Variants in DNAH5 observed in about 807,000 individuals in gnomAD.
The protein encoded by DNAH5 is axonemal beta dynein heavy chain 5.
A neutral mutation model predicts 518.2 loss-of-function variants in DNAH5; 372 were observed. The ratio of observed to expected loss-of-function variants is 0.72; its 90% CI spans 0.66 to 0.78. DNAH5 has a LOEUF of 0.78. Among genes scored for constraint, DNAH5 ranks in the 30% least tolerant of loss-of-function variants. The pLI is 0.00. For missense variants in DNAH5, 5,523 were observed against 5,687.0 expected (o/e 0.97, Z 0.93); for synonymous variants, 2,039 against 2,025.9 (o/e 1.01, Z -0.17).
Position 13,770,737 on chromosome 5 carries a change from C to T in DNAH5, c.9605+12G>A. The T allele has an allele frequency of 6.2e-7, 1 of 1,609,896 alleles. No homozygotes were observed. Among genetic ancestry groups the T allele is most frequent in the South Asian group, 1.1e-5 (1 of 90,946 alleles). On this transcript the variant is annotated intron_variant, in intron 56 of 78. Coordinates refer to ENST00000265104, the MANE Select transcript of DNAH5 (RefSeq NM_001369.3). ...GCTTTAATATAGCTTTGTATAAGAA[C>T]ATCACACTTACCTGTTGGCCAGGGT...
At chr5:13,775,494 T>C (rs1007659943) in intron 55 of DNAH5, among the ~76,000 whole-genome samples, 2 of 151,934 alleles carry the variant, frequency 1.3e-5, no homozygotes, top group African/African-American at 4.8e-5. Context: ...GATATTTAGA[T>C]AGATAATAGA....
intron 71 of DNAH5, 103 bp from the exon 72 acceptor site, chr5:13,719,204 C>T: frequency 1.1e-6 from 1 of 931,846 alleles, no homozygotes; most frequent in East Asian, 2.6e-5. Context: ...AATAGGAAAA[C>T]ACTAACCATT....
chr5:13,910,313 A>G (rs1775830698), intron 12 of DNAH5, among the ~76,000 whole-genome samples: 1 of 152,152 alleles, frequency 6.6e-6, no homozygotes, highest in South Asian at 2.1e-4. Context: ...TCCTCTGCAA[A>G]ATGAGAGTAA....
At chr5:13,928,467 T>C (rs1295600690) in intron 2 of DNAH5, among the ~76,000 whole-genome samples, 1 of 152,236 alleles carries the variant, frequency 6.6e-6, no homozygotes, top group Non-Finnish European at 1.5e-5. Flanking sequence ...CCCTAAAGTG[T>C]TGAGCTGTTG....
In DNAH5 at chr5:13,707,714, T is replaced by C. The variant is rs566985550; in HGVS notation, c.13338+409A>G. Among the ~76,000 whole-genome samples the C allele has an allele frequency of 1.3e-5, 2 of 151,968 alleles. No individual in the cohort carries two copies. Among genetic ancestry groups the C allele is most frequent in the African/African-American group, 2.4e-5 (1 of 41,372 alleles). ...TTTTTTTTCCTTTTGGTGTGACTTT[T>C]GATGTTAGGGTGAGGCATGTTTCCT... On this transcript the variant is annotated intron_variant, in intron 76 of 78. Coordinates refer to ENST00000265104, the MANE Select transcript of DNAH5 (RefSeq NM_001369.3). The surrounding 1 kb of genome is among the most constrained non-coding windows in gnomAD (Gnocchi z 4.0).
At chr5:13,887,591 G>A (rs528344227) in intron 17 of DNAH5, among the ~76,000 whole-genome samples, 2 of 152,062 alleles carry the variant, frequency 1.3e-5, no homozygotes, top group African/African-American at 4.8e-5. Context: ...TCAGCATGGG[G>A]CTCCACCATT....
Position 13,900,004 on chromosome 5 carries a change from C to T in DNAH5, c.2259+202G>A, listed in dbSNP as rs1281374322. 9 of 582,778 alleles carry T rather than the reference C, an allele frequency of 1.5e-5. No homozygotes were observed. The South Asian group carries it at 2.0e-4, about 13-fold the overall frequency. 36.1% of individuals were successfully genotyped at this position (582,778 alleles called of 1,614,324 possible). Reference sequence around the variant, plus strand: ...TTTCCTGGTACACTCAAAATAAAACCCAAGCTTCTCATCTTGGCCTGCAAG... The same window carrying T: ...TTTCCTGGTACACTCAAAATAAAACTCAAGCTTCTCATCTTGGCCTGCAAG... On this transcript the variant is annotated intron_variant, in intron 15 of 78. Coordinates refer to ENST00000265104, the MANE Select transcript of DNAH5 (RefSeq NM_001369.3).
At position 13,730,503 on chromosome 5, in the gene DNAH5, C is replaced by T. The variant is rs149580074; in HGVS notation, c.11762-943G>A. Among the ~76,000 whole-genome samples, 1,014 of 152,162 alleles carry T rather than the reference C, an allele frequency of 6.7e-3. 15 individuals carry two copies. Among genetic ancestry groups the T allele is most frequent in the African/African-American group, 0.023 (936 of 41,506 alleles). The stretch of plus-strand genomic sequence containing the variant: ...AGGCTGGAGTGCAGTGGCACGATCT[C>T]GGTTCACTGCAAGCTCCGCCTCCCA... On this transcript the variant is annotated intron_variant, in intron 68 of 78. Transcript: ENST00000265104.
chr5:13,703,358 C>G (rs922282793), intron 76 of DNAH5, among the ~76,000 whole-genome samples: 2 of 151,526 alleles, frequency 1.3e-5, no homozygotes, highest in Admixed American at 6.6e-5. Flanking sequence ...TTCCCTTTTA[C>G]AGATAAGGAA....
Position 13,707,617 on chromosome 5 carries a change from C to A in DNAH5, c.13338+506G>T, listed in dbSNP as rs1742966662. Among the ~76,000 whole-genome samples, 1 of 152,190 alleles carries A rather than the reference C, an allele frequency of 6.6e-6. No individual in the cohort carries two copies. Among genetic ancestry groups the A allele is most frequent in the Non-Finnish European group, 1.5e-5 (1 of 68,036 alleles). ...CAGGGCACAGAAAACCCAGCCACAC[C>A]CCTGTCACACGCCCTGTGAGGGGGA... On this transcript the variant is annotated intron_variant, in intron 76 of 78. Coordinates refer to ENST00000265104, the MANE Select transcript of DNAH5 (RefSeq NM_001369.3). The surrounding 1 kb of genome is among the most constrained non-coding windows in gnomAD (Gnocchi z 4.0).
intron 35 of DNAH5, among the ~76,000 whole-genome samples, chr5:13,833,496 G>T (rs1236543983): frequency 3.1e-4 from 47 of 149,672 alleles, no homozygotes; most frequent in African/African-American, 1.2e-4. Flanking sequence ...GTGATAGCAA[G>T]AATAATAATA....
At chr5:13,714,651 A>G in intron 74 of DNAH5, 31 bp from the exon 75 acceptor site, 1 of 1,606,708 alleles carries the variant, frequency 6.2e-7, no homozygotes. Context: ...ATAAGCACAG[A>G]CTGCCAACAT....
At chr5:13,981,049 C>A (rs1213448841) in intron 1 of DNAH5, among the ~76,000 whole-genome samples, 1 of 152,200 alleles carries the variant, frequency 6.6e-6, no homozygotes, top group Admixed American at 6.5e-5. Context: ...TGACTCCCAC[C>A]CACTCTCTGC....
chr5:14,005,213 C>T (rs1784638423), intron 1 of DNAH5, among the ~76,000 whole-genome samples: 1 of 152,164 alleles, frequency 6.6e-6, no homozygotes, highest in Non-Finnish European at 1.5e-5. Context: ...ATCATCTAAC[C>T]TCAACTCAAG....
At chr5:13,714,107 T>C (rs965270110) in intron 75 of DNAH5, among the ~76,000 whole-genome samples, 1 of 152,150 alleles carries the variant, frequency 6.6e-6, no homozygotes, top group African/African-American at 2.4e-5. Context: ...CAAATGGCAA[T>C]GTAAAGTACC....
chr5:13,952,272 G>T (rs1427772215), intron 1 of DNAH5, among the ~76,000 whole-genome samples: 2 of 152,212 alleles, frequency 1.3e-5, no homozygotes, highest in Admixed American at 1.3e-4. Context: ...AAAATGAGAT[G>T]CATTGATTTG....
chr5:13,886,577 A>G (rs1007990141), intron 17 of DNAH5, among the ~76,000 whole-genome samples: 1 of 152,234 alleles, frequency 6.6e-6, no homozygotes, highest in Admixed American at 6.5e-5. Flanking sequence ...ATAAATATAA[A>G]CTAACATGAT....
intron 78 of DNAH5, among the ~76,000 whole-genome samples, chr5:13,695,074 T>C (rs188910738): frequency 1.9e-3 from 289 of 152,364 alleles, no homozygotes; most frequent in Middle Eastern, 0.01. Flanking sequence ...GCTTCATCTC[T>C]GCAATACTTT....
At chr5:13,755,448 T>A (rs1238957909) in intron 61 of DNAH5, among the ~76,000 whole-genome samples, 1 of 152,202 alleles carries the variant, frequency 6.6e-6, no homozygotes, top group Non-Finnish European at 1.5e-5. Flanking sequence ...TTATCAGTTA[T>A]GTTGAGTTCA....
Sources: allele counts gnomAD v4.1 joint callset (sites outside exome capture counted in the v4.1 genomes callset), GRCh38; gene constraint gnomAD v4.1.1; non-coding constraint Gnocchi (gnomAD v3.1); transcripts MANE v1.5; gene names NCBI Gene and HGNC (gene_info 2026-07-23, HGNC 2026-07-21).